RNF212: variants seen among roughly 807,000 people sequenced by gnomAD.
RNF212 encodes ring finger protein 212.
A neutral mutation model predicts 34.7 loss-of-function variants in RNF212; 33 were observed. The ratio of observed to expected loss-of-function variants is 0.95; its 90% CI spans 0.72 to 1.27. RNF212 has a LOEUF of 1.27. Among genes scored for constraint, RNF212 ranks in the 50% most tolerant of loss-of-function variants. The probability of loss-of-function intolerance (pLI) is 0.00; values close to 1 mark genes in which losing one functional copy is unlikely to be tolerated. For synonymous variants in RNF212, 140 were observed against 136.1 expected (o/e 1.03, Z -0.20); for missense variants, 377 against 362.2 (o/e 1.04, Z -0.33).
In RNF212 at chr4:1,073,170, A is replaced by C. The variant is rs200133253; in HGVS notation, c.598T>G (p.Cys200Gly). The change falls in exon 10 of 10, where the codon TGT becomes GGT. Residue 200 changes from cysteine (C) to glycine (G), a missense_variant. Physicochemically the swap from Cys to Gly is radical, Grantham distance 159. Transcript: ENST00000433731. ...GACAAGGTCAACCATGGGATGAAAC[A>C]GAAAGAAGCTGTTAGATGTGGCCCT... Reference protein sequence around the residue: ...RMGPHLTASFCFIPWLTLSKP... With the variant: ...RMGPHLTASFGFIPWLTLSKP... 138 of 1,614,054 alleles carry C rather than the reference A, an allele frequency of 8.5e-5. No individual in the cohort carries two copies. In the African/African-American group the frequency reaches 1.7e-3, roughly 20 times the overall value.
At chr4:1,088,430 A>G (rs1721679451) in intron 4 of RNF212, among the ~76,000 whole-genome samples, 1 of 152,246 alleles carries the variant, frequency 6.6e-6, no homozygotes, top group Admixed American at 6.5e-5. Flanking sequence ...TGAAGCATAC[A>G]GTCACATACG....
At chr4:1,056,796 T>G (rs1191064906) in intron 4 of RNF212, 10 of 976,872 alleles carry the variant, frequency 1.0e-5, no homozygotes, top group Non-Finnish European at 1.1e-5. Flanking sequence ...CACACGCACT[T>G]TCCCAAGAGC....
At chr4:1,063,829 A>C (rs899270895) in intron 3 of RNF212, among the ~76,000 whole-genome samples, 9 of 151,874 alleles carry the variant, frequency 5.9e-5, no homozygotes, top group Non-Finnish European at 1.2e-4. Flanking sequence ...AGCCATGGTC[A>C]AGACACTGCA....
At chr4:1,113,330 C>G in intron 1 of RNF212, 26 bp downstream of exon 1, 1 of 1,503,056 alleles carries the variant, frequency 6.7e-7, no homozygotes, top group Non-Finnish European at 8.9e-7. Context: ...CCTCCCCTCT[C>G]CAGCCTGCGT....
chr4:1,106,245 TACTTACACACAC>T (rs1457566961), intron 2 of RNF212, among the ~76,000 whole-genome samples: 1 of 125,966 alleles, frequency 7.9e-6, no homozygotes, highest in Admixed American at 9.2e-5. Flanking sequence ...TAAACAATTT[TACTTACACACAC>T]ACACACACAC....
Position 1,085,685 on chromosome 4 carries a change from C to T in RNF212, c.362+211G>A, listed in dbSNP as rs1242369358. The T allele has an allele frequency of 8.5e-6, 5 of 589,934 alleles. No individual in the cohort carries two copies. The East Asian group carries it at 1.4e-4, about 17-fold the overall frequency. The allele number at this position is 589,934 out of a possible 1,614,324, so 36.5% of individuals were successfully genotyped here. A position where few individuals can be genotyped will look rare whatever the true frequency, so the allele number is the denominator to read the frequency against. On this transcript the variant is annotated intron_variant, in intron 5 of 9. Transcript: ENST00000433731. ...GCACCTGCCCCAAGGGGAAACCATTCATCTCTTTTTCACTTTTTCTTTTTT... is the reference window on the plus strand; with the variant it reads ...GCACCTGCCCCAAGGGGAAACCATTTATCTCTTTTTCACTTTTTCTTTTTT...
At chr4:1,096,934 T>C (rs1359129682) in intron 2 of RNF212, 95 bp from the exon 3 acceptor site, 4 of 928,242 alleles carry the variant, frequency 4.3e-6, no homozygotes, top group East Asian at 2.4e-5. Context: ...GAATTAGCTA[T>C]AGATGACTCA....
Position 1,085,167 on chromosome 4 carries a change from G to A in RNF212, c.362+729C>T, listed in dbSNP as rs76115034. ...GGCTTGTGACTATTCAACGCGTCTC[G>A]TAGAATCTAAGGCATTGCTGAGCGT... is the stretch of plus-strand genomic sequence containing the variant. On this transcript the variant is annotated intron_variant, in intron 5 of 9. Transcript: ENST00000433731. Among the ~76,000 whole-genome samples, 463 of 152,352 alleles carry A rather than the reference G, an allele frequency of 3.0e-3. 2 individuals carry two copies. The highest frequency in any genetic ancestry group is 9.7e-3 in the African/African-American group (404 of 41,588).
chr4:1,088,670 G>A (rs999406893), intron 4 of RNF212, among the ~76,000 whole-genome samples: 1 of 152,138 alleles, frequency 6.6e-6, no homozygotes, highest in Non-Finnish European at 1.5e-5. Flanking sequence ...TCCCATCATA[G>A]GCCCAGAGAA....
chr4:1,079,932 G>A (rs948256433), intron 7 of RNF212, among the ~76,000 whole-genome samples: 1 of 152,202 alleles, frequency 6.6e-6, no homozygotes, highest in Non-Finnish European at 1.5e-5. Context: ...GGCCCGCCCT[G>A]GTTGGGCTCT....
At chr4:1,058,764 G>T (rs1385898108) in intron 3 of RNF212, among the ~76,000 whole-genome samples, 1 of 152,214 alleles carries the variant, frequency 6.6e-6, no homozygotes, top group African/African-American at 2.4e-5. Context: ...GCCTCACTGA[G>T]GGGCCCTCGG....
intron 3 of RNF212, among the ~76,000 whole-genome samples, chr4:1,063,037 C>T (rs1398775077): frequency 1.3e-5 from 2 of 152,060 alleles, no homozygotes; most frequent in African/African-American, 2.4e-5. Flanking sequence ...TGCAAAATAC[C>T]GTTGAAAGAA....
chr4:1,063,923 A>G (rs1353586139), intron 3 of RNF212, among the ~76,000 whole-genome samples: 1 of 152,012 alleles, frequency 6.6e-6, no homozygotes, highest in East Asian at 1.9e-4. Flanking sequence ...GCCAGAAGAC[A>G]GAGGAATGAC....
intron 7 of RNF212, among the ~76,000 whole-genome samples, chr4:1,080,361 T>C (rs1245459969): frequency 2.0e-5 from 3 of 152,162 alleles, no homozygotes; most frequent in Admixed American, 6.5e-5. Flanking sequence ...CAGGTTTAAC[T>C]TTCTCATACC....
chr4:1,108,187 C>T (rs1725114163), intron 2 of RNF212, among the ~76,000 whole-genome samples, 156 bp downstream of exon 2: 1 of 152,170 alleles, frequency 6.6e-6, no homozygotes, highest in Non-Finnish European at 1.5e-5. Flanking sequence ...GTTTTAAAAA[C>T]TAAATCCTAA....
Position 1,072,823 on chromosome 4 carries a change from G to C in RNF212, c.*51C>G. 2 of 1,510,974 alleles carry C rather than the reference G, an allele frequency of 1.3e-6. No individual in the cohort carries two copies. Among genetic ancestry groups the C allele is most frequent in the South Asian group, 2.6e-5 (2 of 76,906 alleles). 93.6% of individuals were successfully genotyped at this position (1,510,974 alleles called of 1,614,324 possible). A position where few individuals can be genotyped will look rare whatever the true frequency, so the allele number is the denominator to read the frequency against. On this transcript the variant is annotated 3_prime_UTR_variant, in exon 10 of 10. Coordinates refer to ENST00000433731, the MANE Select transcript of RNF212 (RefSeq NM_001131034.4). ...GCAGATAATTTGTAGAAAAAACACA[G>C]AGGAATAAATTGAAAACACTCAGAA...
chr4:1,097,059 G>A (rs1250316483), intron 2 of RNF212, among the ~76,000 whole-genome samples: 2 of 152,184 alleles, frequency 1.3e-5, no homozygotes, highest in Non-Finnish European at 2.9e-5. Flanking sequence ...GGACAGTGGT[G>A]AGGGCCAGGA....
chr4:1,066,125 G>A (rs1170311321), intron 3 of RNF212, among the ~76,000 whole-genome samples: 2 of 149,148 alleles, frequency 1.3e-5, no homozygotes, highest in Non-Finnish European at 3.0e-5. Flanking sequence ...GTCTTGCTAT[G>A]TTGCCCAGGC....
rs186697542 is a variant in RNF212, at chr4:1,092,826, C to T, written c.247-1988G>A. Among the ~76,000 whole-genome samples the T allele has an allele frequency of 1.5e-3, 235 of 152,326 alleles. 1 individual carries two copies. Among genetic ancestry groups the T allele is most frequent in the Non-Finnish European group, 2.8e-3 (189 of 68,026 alleles). ...GCGAAGGCCTGAGAGTCAAGGCAGT[C>T]GGGGGAGAATGCAGGTCACTCACGC... On this transcript the variant is annotated intron_variant, in intron 3 of 9. Coordinates refer to ENST00000433731, the MANE Select transcript of RNF212 (RefSeq NM_001131034.4).
Sources: allele counts gnomAD v4.1 joint callset (sites outside exome capture counted in the v4.1 genomes callset), GRCh38; gene constraint gnomAD v4.1.1; transcripts MANE v1.5; gene names NCBI Gene and HGNC (gene_info 2026-07-23, HGNC 2026-07-21).